BCAS1: variants seen among roughly 807,000 people sequenced by gnomAD.
BCAS1 encodes the protein breast carcinoma-amplified sequence 1.
A neutral mutation model predicts 65.4 loss-of-function variants in BCAS1; 46 were observed. The ratio of observed to expected loss-of-function variants is 0.70; its 90% CI spans 0.55 to 0.90. The LOEUF is 0.90. Among genes scored for constraint, BCAS1 ranks in the 40% least tolerant of loss-of-function variants. The probability of loss-of-function intolerance (pLI) is 0.00; values close to 1 mark genes in which losing one functional copy is unlikely to be tolerated. For synonymous variants in BCAS1, 298 were observed against 293.5 expected, an observed-to-expected ratio of 1.02 and a Z score of -0.16; for missense variants, 793 against 771.2, an observed-to-expected ratio of 1.03 and a Z score of -0.33.
chr20:54,051,304 A>G (rs1454131213), intron 3 of BCAS1, among the ~76,000 whole-genome samples: 2 of 152,224 alleles, frequency 1.3e-5, no homozygotes, highest in Non-Finnish European at 2.9e-5. Context: ...TGTGAACAAA[A>G]CAGGGGATCT....
At chr20:53,945,371 C>T (rs1418602328) in intron 12 of BCAS1, among the ~76,000 whole-genome samples, 4 of 151,666 alleles carry the variant, frequency 2.6e-5, no homozygotes, top group South Asian at 2.1e-4. Flanking sequence ...TCCCCAGTTA[C>T]CATCTAGGTT....
intron 10 of BCAS1, among the ~76,000 whole-genome samples, chr20:53,959,122 C>T (rs965525586): frequency 6.6e-6 from 1 of 152,112 alleles, no homozygotes. Context: ...GACAGGGTCC[C>T]ATTCTGTCAC....
intron 3 of BCAS1, among the ~76,000 whole-genome samples, chr20:54,052,331 T>A (rs1479001112): frequency 3.3e-5 from 5 of 152,206 alleles, no homozygotes; most frequent in Admixed American, 1.3e-4. Flanking sequence ...CTTTCTAGAA[T>A]TTTATATAAG....
intron 9 of BCAS1, among the ~76,000 whole-genome samples, chr20:53,973,240 A>T (rs888049601): frequency 2.0e-5 from 3 of 152,194 alleles, no homozygotes; most frequent in Non-Finnish European, 4.4e-5. Context: ...AAGAAAACAA[A>T]CAAACACACA....
chr20:53,962,019 G>A (rs1421945678), intron 10 of BCAS1, among the ~76,000 whole-genome samples: 1 of 152,184 alleles, frequency 6.6e-6, no homozygotes, highest in East Asian at 1.9e-4. Context: ...AGTGCTGAAC[G>A]ACTACAGAGA....
At chr20:53,949,667 G>A (rs940984331) in intron 12 of BCAS1, among the ~76,000 whole-genome samples, 1 of 152,200 alleles carries the variant, frequency 6.6e-6, no homozygotes, top group African/African-American at 2.4e-5. Context: ...TGGAGGCCTT[G>A]TGACACTGGG....
chr20:54,058,013 T>TTTA, intron 3 of BCAS1, 72 bp downstream of exon 3: 1 of 1,087,624 alleles, frequency 9.2e-7, no homozygotes, highest in Non-Finnish European at 1.4e-6. Context: ...TTTTTTTTTT[T>TTTA]CACCGTAAAC....
At chr20:54,066,746 C>G (rs2092448991) in intron 1 of BCAS1, among the ~76,000 whole-genome samples, 1 of 152,164 alleles carries the variant, frequency 6.6e-6, no homozygotes, top group South Asian at 2.1e-4. Flanking sequence ...GGACTTCCAG[C>G]CTCCAGAACT....
intron 9 of BCAS1, among the ~76,000 whole-genome samples, chr20:53,972,140 A>G (rs2090196143): frequency 6.6e-6 from 1 of 152,232 alleles, no homozygotes; most frequent in Admixed American, 6.5e-5. Flanking sequence ...TTTAAAGAAT[A>G]AACTCAACCA....
chr20:53,996,353 T>C (rs1809131026), intron 4 of BCAS1, among the ~76,000 whole-genome samples: 1 of 151,472 alleles, frequency 6.6e-6, no homozygotes, highest in Non-Finnish European at 1.5e-5. Context: ...AAAGAAGTTG[T>C]GTAAGGTATC....
chr20:53,999,558 GT>G (rs144472167), intron 4 of BCAS1, among the ~76,000 whole-genome samples: 3 of 150,412 alleles, frequency 2.0e-5, no homozygotes, highest in Admixed American at 6.6e-5. Flanking sequence ...TTTCCTGCCC[GT>G]TTTTTTTTGT....
intron 1 of BCAS1, among the ~76,000 whole-genome samples, chr20:54,066,467 G>A (rs889767496): frequency 6.6e-6 from 1 of 152,230 alleles, no homozygotes; most frequent in Non-Finnish European, 1.5e-5. Context: ...GGATTGAAAT[G>A]TGTCCTTCCA....
chr20:54,040,064 A>G (rs566624658), intron 3 of BCAS1, among the ~76,000 whole-genome samples: 1 of 151,576 alleles, frequency 6.6e-6, no homozygotes, highest in African/African-American at 2.4e-5. Flanking sequence ...TATTTAAACC[A>G]TTGCCTAATC....
chr20:54,065,406 T>C (rs2092427458), intron 1 of BCAS1, among the ~76,000 whole-genome samples: 1 of 152,226 alleles, frequency 6.6e-6, no homozygotes, highest in Non-Finnish European at 1.5e-5. Context: ...AGGAGCGATT[T>C]TGGCCCCGAA....
intron 3 of BCAS1, among the ~76,000 whole-genome samples, chr20:54,054,230 A>T (rs2092262768): frequency 6.6e-6 from 1 of 152,196 alleles, no homozygotes; most frequent in Non-Finnish European, 1.5e-5. Context: ...GTTCAAGATG[A>T]GATTTGGGTG....
At chr20:53,959,154 C>G (rs1196431288) in intron 10 of BCAS1, among the ~76,000 whole-genome samples, 1 of 152,020 alleles carries the variant, frequency 6.6e-6, no homozygotes, top group African/African-American at 2.4e-5. Context: ...TACAGCGGCA[C>G]AATCATCATT....
In BCAS1 at chr20:53,985,267, C is replaced by T. The variant is rs764124912; in HGVS notation, c.1275+20G>A. 4.2e-5 allele frequency: 68 copies of T among 1,610,612 alleles called. No individual in the cohort carries two copies. The highest frequency in any genetic ancestry group is 5.3e-5 in the Non-Finnish European group (62 of 1,178,520). On this transcript the variant is annotated intron_variant, in intron 8 of 12. Transcript: ENST00000688948. ...CATCCCCGCCCGGACGACTCTCTAACGCTTGAAAATCAGACTTACCTTTTT... is the reference window on the plus strand; with the variant it reads ...CATCCCCGCCCGGACGACTCTCTAATGCTTGAAAATCAGACTTACCTTTTT...
chr20:53,978,058 G>A (rs1235625575), intron 8 of BCAS1, among the ~76,000 whole-genome samples: 2 of 103,590 alleles, frequency 1.9e-5, no homozygotes, highest in Non-Finnish European at 3.5e-5. Context: ...CCCCACAACA[G>A]TCCCCAGAGT....
intron 4 of BCAS1, among the ~76,000 whole-genome samples, chr20:54,013,536 C>T (rs74421757): frequency 0.013 from 1,936 of 152,198 alleles, 38 homozygotes; most frequent in African/African-American, 0.044. Context: ...CATTGTGTAC[C>T]AAAACTGTAA....
Sources: gnomAD v4.1 joint callset for allele counts (sites outside exome capture counted in the v4.1 genomes callset) on GRCh38, gnomAD v4.1.1 for gene constraint, MANE v1.5 for transcripts, NCBI Gene and HGNC (gene_info 2026-07-23, HGNC 2026-07-21) for gene names.